The following FRAS1 variants were observed in gnomAD, a reference collection of about 807,000 sequenced individuals.
The protein encoded by FRAS1 is extracellular matrix organizing protein FRAS1.
A neutral mutation model predicts 435.2 loss-of-function variants in FRAS1; 290 were observed. That is an observed-to-expected ratio of 0.67 (90% CI 0.61 to 0.73). The LOEUF (loss-of-function observed/expected upper bound fraction) is 0.73, where lower values mean the gene tolerates loss of function less well. Ranked by LOEUF, FRAS1 falls within the 30% of genes least tolerant of loss-of-function variation. FRAS1 has a pLI of 0.00. For missense variants in FRAS1, 4,860 were observed against 5,001.5 expected, an observed-to-expected ratio of 0.97 and a Z score of 0.85; for synonymous variants, 1,800 against 1,851.0, an observed-to-expected ratio of 0.97 and a Z score of 0.71.
intron 66 of FRAS1, among the ~76,000 whole-genome samples, chr4:78,518,441 TA>T (rs1560423121): frequency 5.1e-4 from 67 of 132,146 alleles, no homozygotes; most frequent in South Asian, 3.6e-3. Flanking sequence ...TATATATATA[TA>T]TATATATATA....
intron 2 of FRAS1, among the ~76,000 whole-genome samples, chr4:78,131,047 A>T (rs1383664833): frequency 5.9e-5 from 9 of 152,208 alleles, no homozygotes; most frequent in Non-Finnish European, 1.2e-4. Flanking sequence ...TTAACACATG[A>T]ACTAAAAATT....
chr4:78,173,727 G>A (rs1721649174), intron 2 of FRAS1, among the ~76,000 whole-genome samples: 1 of 152,198 alleles, frequency 6.6e-6, no homozygotes, highest in African/African-American at 2.4e-5. Flanking sequence ...ACTGATTAGT[G>A]TTAAGCACTA....
chr4:78,531,955 C>T (rs544483736), intron 70 of FRAS1, among the ~76,000 whole-genome samples: 2 of 152,344 alleles, frequency 1.3e-5, no homozygotes, highest in Admixed American at 6.5e-5. Context: ...ATTATTTTCA[C>T]TGCCCACCTG....
intron 1 of FRAS1, among the ~76,000 whole-genome samples, chr4:78,059,734 C>G (rs1739664733): frequency 6.6e-6 from 1 of 151,876 alleles, no homozygotes; most frequent in Non-Finnish European, 1.5e-5. Context: ...AACCAAAACT[C>G]TGAAATCAAC....
Position 78,282,957 on chromosome 4 carries a change from C to T in FRAS1, c.1245C>T (p.Asp415=), listed in dbSNP as rs774153381. 6.5e-7 allele frequency: 1 copy of T among 1,546,580 alleles called. No individual in the cohort carries two copies. Among genetic ancestry groups the T allele is most frequent in the Admixed American group, 2.1e-5 (1 of 48,016 alleles). The stretch of plus-strand genomic sequence containing the variant: ...AGGTGAAGGGACAGTGCTGTCCAGA[C>T]TGCACATCAGGTGGGTCCATGTCTC... ...ALEVKGQCCP[D]CTSVHCHPDC... The change falls in exon 12 of 74, where the codon GAC becomes GAT. Residue 415 remains aspartate, a synonymous_variant. Coordinates refer to ENST00000512123, the MANE Select transcript of FRAS1 (RefSeq NM_025074.7).
At chr4:78,251,737 A>G (rs574919613) in intron 4 of FRAS1, among the ~76,000 whole-genome samples, 1 of 152,300 alleles carries the variant, frequency 6.6e-6, no homozygotes, top group South Asian at 2.1e-4. Context: ...GAGAGTGAAA[A>G]AGATTAAGTC....
rs750976613 is a variant in FRAS1, at chr4:78,515,805, G to T, written c.10181G>T (p.Gly3394Val). 2 of 1,613,578 alleles carry T rather than the reference G, an allele frequency of 1.2e-6. No homozygotes were observed. Among genetic ancestry groups the T allele is most frequent in the East Asian group, 2.2e-5 (1 of 44,872 alleles). ...TYDLRGISEA[G>V]FLDDVVYDST... ...GTTCTTCCCTCCCTGGCAGAGGCAG[G>T]GTTCCTGGATGATGTGGTCTATGAT... Residue 3394 changes from glycine (G) to valine (V), a missense_variant, in exon 66 of 74, where the codon GGG becomes GTG. Physicochemically the swap from Gly to Val is moderately radical, Grantham distance 109. Coordinates refer to ENST00000512123, the MANE Select transcript of FRAS1 (RefSeq NM_025074.7).
At chr4:78,465,007 A>G (rs1269562993) in intron 49 of FRAS1, among the ~76,000 whole-genome samples, 1 of 152,192 alleles carries the variant, frequency 6.6e-6, no homozygotes, top group Non-Finnish European at 1.5e-5. Context: ...AATTATTACA[A>G]TTTGAGCCTC....
chr4:78,156,719 G>C (rs1720904218), intron 2 of FRAS1, among the ~76,000 whole-genome samples: 1 of 152,156 alleles, frequency 6.6e-6, no homozygotes, highest in Admixed American at 6.6e-5. Flanking sequence ...GATTCTAAGT[G>C]TTACGCAATT....
chr4:78,449,519 A>G (rs997284956), intron 44 of FRAS1, among the ~76,000 whole-genome samples: 7 of 152,126 alleles, frequency 4.6e-5, no homozygotes, highest in Non-Finnish European at 8.8e-5. Context: ...GGGATTTACT[A>G]TTTTTAACAT....
At chr4:78,278,980 C>G (rs1040257809) in intron 10 of FRAS1, among the ~76,000 whole-genome samples, 1 of 152,112 alleles carries the variant, frequency 6.6e-6, no homozygotes, top group African/African-American at 2.4e-5. Context: ...CACACATCTC[C>G]CACACATACT....
At chr4:78,067,042 T>C (rs1341761217) in intron 2 of FRAS1, among the ~76,000 whole-genome samples, 1 of 152,254 alleles carries the variant, frequency 6.6e-6, no homozygotes, top group African/African-American at 2.4e-5. Flanking sequence ...ATTTTAGGAA[T>C]CATTTGCTCT....
At chr4:78,469,291 A>G (rs956688570) in intron 50 of FRAS1, among the ~76,000 whole-genome samples, 4 of 152,192 alleles carry the variant, frequency 2.6e-5, no homozygotes, top group Admixed American at 2.6e-4. Flanking sequence ...GTATCCACCC[A>G]GGAACAGGGA....
At chr4:78,340,722 A>G (rs963306905) in intron 20 of FRAS1, among the ~76,000 whole-genome samples, 1 of 152,164 alleles carries the variant, frequency 6.6e-6, no homozygotes, top group Non-Finnish European at 1.5e-5. Flanking sequence ...GAAGTCCAAG[A>G]TCAAGGTGCC....
At chr4:78,301,846 G>GTTTTTTTT (rs59794614) in intron 14 of FRAS1, among the ~76,000 whole-genome samples, 371 of 103,242 alleles carry the variant, frequency 3.6e-3, no homozygotes, top group Middle Eastern at 0.012. Flanking sequence ...CACAGAAACA[G>GTTTTTTTT]TTTTTTTTTT....
At chr4:78,267,546 C>A in intron 9 of FRAS1, 114 bp downstream of exon 9, 1 of 924,830 alleles carries the variant, frequency 1.1e-6, no homozygotes, top group Non-Finnish European at 1.6e-6. Flanking sequence ...ACATTGACTT[C>A]TCACACTTCA....
At chr4:78,423,018 G>T (rs938335329) in intron 34 of FRAS1, among the ~76,000 whole-genome samples, 10 of 152,090 alleles carry the variant, frequency 6.6e-5, no homozygotes, top group East Asian at 5.8e-4. Context: ...ACAAAGCCCA[G>T]CATACCCTTA....
chr4:78,105,838 G>A (rs13137611), intron 2 of FRAS1, among the ~76,000 whole-genome samples: 17,500 of 137,634 alleles, frequency 0.13, 1,385 homozygotes, highest in Non-Finnish European at 0.16. Context: ...CTGAGGTACC[G>A]GGTTCATCTC....
chr4:78,535,187 C>A (rs935541778), intron 71 of FRAS1, among the ~76,000 whole-genome samples: 1 of 152,170 alleles, frequency 6.6e-6, no homozygotes, highest in African/African-American at 2.4e-5. Flanking sequence ...CTCTCCTGTC[C>A]CTGGCCTCCA....
Sources: allele counts gnomAD v4.1 joint callset (sites outside exome capture counted in the v4.1 genomes callset), GRCh38; gene constraint gnomAD v4.1.1; transcripts MANE v1.5; gene names NCBI Gene and HGNC (gene_info 2026-07-23, HGNC 2026-07-21).